UBN2: variants seen among roughly 807,000 people sequenced by gnomAD.
UBN2 encodes the protein ubinuclein 2, also known as ubinuclein-2.
A neutral mutation model predicts 120.2 loss-of-function variants in UBN2; 35 were observed. That is an observed-to-expected ratio of 0.29 (90% CI 0.22 to 0.39). UBN2 has a LOEUF of 0.39. UBN2 is among the 10% of genes least tolerant of loss of function. The pLI is 1.00. For synonymous variants in UBN2, 661 were observed against 648.7 expected, an observed-to-expected ratio of 1.02 and a Z score of -0.29; for missense variants, 1,693 against 1,663.2, an observed-to-expected ratio of 1.02 and a Z score of -0.31.
intron 15 of UBN2, among the ~76,000 whole-genome samples, chr7:139,288,360 G>A (rs1243668333): frequency 6.6e-6 from 1 of 152,196 alleles, no homozygotes; most frequent in Admixed American, 6.5e-5. Context: ...AATTGAATGA[G>A]CAGAAGCCAG....
chr7:139,262,976 TGTTA>T (rs1471193465), intron 6 of UBN2, among the ~76,000 whole-genome samples: 1 of 152,182 alleles, frequency 6.6e-6, no homozygotes, highest in African/African-American at 2.4e-5. Flanking sequence ...CAATCCTGTG[TGTTA>T]GTTCCTTATT....
the UBN2 span, among the ~76,000 whole-genome samples, chr7:139,319,713 T>G: frequency 2.6e-5 from 4 of 152,212 alleles, no homozygotes; most frequent in South Asian, 8.3e-4. Flanking sequence ...CTCCAGTTAT[T>G]CTGGTCTCCT....
intron 2 of UBN2, among the ~76,000 whole-genome samples, chr7:139,240,063 G>A (rs1796274783): frequency 6.6e-6 from 1 of 152,152 alleles, no homozygotes; most frequent in African/African-American, 2.4e-5. Context: ...TTTGATGCGT[G>A]AAATTGAGTT....
intron 3 of UBN2, among the ~76,000 whole-genome samples, chr7:139,253,064 T>G (rs1796663020): frequency 1.3e-5 from 2 of 152,202 alleles, no homozygotes; most frequent in South Asian, 2.1e-4. Flanking sequence ...AAAATCTTCT[T>G]GTGTAGTTGT....
In UBN2 at chr7:139,305,825, C is replaced by T. The variant is rs935283274; in HGVS notation, c.*7989C>T. 1.3e-5 allele frequency: 2 copies of T among 152,050 alleles called. No individual in the cohort carries two copies. Among genetic ancestry groups the T allele is most frequent in the African/African-American group, 2.4e-5 (1 of 41,398 alleles). 9.4% of individuals were successfully genotyped at this position (152,050 alleles called of 1,614,324 possible). A position where few individuals can be genotyped will look rare whatever the true frequency, so the allele number is the denominator to read the frequency against. On this transcript the variant is annotated 3_prime_UTR_variant, in exon 18 of 18. Transcript: ENST00000473989. ...ATAATGCGGCATTTCATGACTTCCT[C>T]TTGTTACTTTTCAAGGTTATTCTAA...
In UBN2 at chr7:139,231,811, G is replaced by A. The variant is rs1796021992; in HGVS notation, c.327G>A (p.Pro109=). Residue 109 remains proline, a synonymous_variant, in exon 1 of 18, where the codon CCG becomes CCA. Coordinates refer to ENST00000473989, the MANE Select transcript of UBN2 (RefSeq NM_173569.4). ...FPPLPLQPPP[P]RESASRAEQP... Reference sequence around the variant, plus strand: ...CGCTGCCCTTGCAGCCGCCCCCGCCGCGGGAGTCGGCTTCCCGGGCTGAGC... The same window carrying A: ...CGCTGCCCTTGCAGCCGCCCCCGCCACGGGAGTCGGCTTCCCGGGCTGAGC... 2.1e-6 allele frequency: 3 copies of A among 1,448,480 alleles called. No homozygotes were observed. The highest frequency in any genetic ancestry group is 1.5e-5 in the African/African-American group (1 of 68,396). 89.7% of individuals were successfully genotyped at this position (1,448,480 alleles called of 1,614,324 possible).
intron 2 of UBN2, among the ~76,000 whole-genome samples, chr7:139,250,981 A>G (rs1196767458): frequency 1.3e-5 from 2 of 151,850 alleles, no homozygotes; most frequent in African/African-American, 4.8e-5. Flanking sequence ...TGAGGCATGC[A>G]CCTGTAGTCC....
intron 2 of UBN2, among the ~76,000 whole-genome samples, chr7:139,250,529 C>T (rs923822947): frequency 6.6e-6 from 1 of 150,812 alleles, no homozygotes; most frequent in African/African-American, 2.5e-5. Context: ...GCACTGCGTC[C>T]GGCCCAGACC....
At chr7:139,259,811 C>T (rs1041743185) in intron 5 of UBN2, among the ~76,000 whole-genome samples, 1 of 152,146 alleles carries the variant, frequency 6.6e-6, no homozygotes, top group Non-Finnish European at 1.5e-5. Context: ...TGCAGTCCCA[C>T]AATCTAGGCT....
intron 17 of UBN2, among the ~76,000 whole-genome samples, chr7:139,294,394 G>A (rs1798050848): frequency 6.6e-6 from 1 of 152,210 alleles, no homozygotes; most frequent in Non-Finnish European, 1.5e-5. Context: ...TACCAATCAC[G>A]AAACTGAATC....
Position 139,283,625 on chromosome 7 carries a change from C to T in UBN2, c.2720C>T (p.Ala907Val). The T allele has an allele frequency of 6.2e-7, 1 of 1,614,182 alleles. No individual in the cohort carries two copies. Among genetic ancestry groups the T allele is most frequent in the African/African-American group, 1.3e-5 (1 of 75,044 alleles). The change falls in exon 15 of 18, where the codon GCC (alanine) becomes GTC (valine). Residue 907 changes from alanine (A) to valine (V), a missense_variant. Physicochemically the swap from Ala to Val is moderately conservative, Grantham distance 64 (BLOSUM62 0). Coordinates refer to ENST00000473989, the MANE Select transcript of UBN2 (RefSeq NM_173569.4). The part of the protein sequence containing the change: ...VSSSSQAQIA[A>V]SSHALGTSEA... ...TCTTCTTCCCAAGCCCAAATTGCTG[C>T]CTCTTCTCATGCTCTGGGAACATCC...
chr7:139,231,496 G>A lies in UBN2; in HGVS notation c.12G>A (p.Pro4=), dbSNP rs1286250318. 38 of 1,396,368 alleles carry A rather than the reference G, an allele frequency of 2.7e-5. No individual in the cohort carries two copies. The highest frequency in any genetic ancestry group is 3.5e-5 in the Non-Finnish European group (37 of 1,067,154). The allele number at this position is 1,396,368 out of a possible 1,614,324, so 86.5% of individuals were successfully genotyped here. A position where few individuals can be genotyped will look rare whatever the true frequency, so the allele number is the denominator to read the frequency against. Residue 4 remains proline, a synonymous_variant, in exon 1 of 18, where the codon CCG becomes CCA. Coordinates refer to ENST00000473989, the MANE Select transcript of UBN2 (RefSeq NM_173569.4). ...CCAGAACAGTGGGGATGGCGGAGCCGCGCAGAGTAGCGTTCATTAGCTTGT... is the reference window on the plus strand; with the variant it reads ...CCAGAACAGTGGGGATGGCGGAGCCACGCAGAGTAGCGTTCATTAGCTTGT... MAE[P]RRVAFISLSP...
At chr7:139,232,516 G>A (rs1796054745) in intron 1 of UBN2, among the ~76,000 whole-genome samples, 1 of 152,182 alleles carries the variant, frequency 6.6e-6, no homozygotes, top group African/African-American at 2.4e-5. Context: ...AATAATTAAA[G>A]GTTTTCAGAG....
At chr7:139,313,989 C>G in the UBN2 span, among the ~76,000 whole-genome samples, 3 of 151,804 alleles carry the variant, frequency 2.0e-5, no homozygotes, top group East Asian at 2.0e-4. Context: ...GCTGGGATTA[C>G]AGGCGTGTGC....
Position 139,308,005 on chromosome 7 carries a change from T to A in UBN2, c.*10169T>A, listed in dbSNP as rs1798392958. ...TAAATTACCCCCATGAATATACTCCTTCAGTGCAGGGATTTTTGTGTTTTT... is the reference window on the plus strand; with the variant it reads ...TAAATTACCCCCATGAATATACTCCATCAGTGCAGGGATTTTTGTGTTTTT... On this transcript the variant is annotated 3_prime_UTR_variant, in exon 18 of 18. Transcript: ENST00000473989. The A allele has an allele frequency of 6.6e-6, 1 of 151,380 alleles. No individual in the cohort carries two copies. Among genetic ancestry groups the A allele is most frequent in the Non-Finnish European group, 1.5e-5 (1 of 67,944 alleles). The allele number at this position is 151,380 out of a possible 1,614,324, so 9.4% of individuals were successfully genotyped here. A position where few individuals can be genotyped will look rare whatever the true frequency, so the allele number is the denominator to read the frequency against.
chr7:139,274,134 TATAC>T, intron 11 of UBN2, 60 bp downstream of exon 11: 3 of 1,479,170 alleles, frequency 2.0e-6, no homozygotes, highest in Non-Finnish European at 1.8e-6. Context: ...TTATTAAAGA[TATAC>T]ATACACATAC....
intron 17 of UBN2, among the ~76,000 whole-genome samples, chr7:139,296,143 T>C (rs1419569754): frequency 6.6e-6 from 1 of 152,234 alleles, no homozygotes; most frequent in Non-Finnish European, 1.5e-5. Flanking sequence ...GCTTCTAGCT[T>C]GGCACCTGGT....
intron 8 of UBN2, among the ~76,000 whole-genome samples, chr7:139,271,703 G>T (rs1002050898): frequency 1.3e-5 from 2 of 152,208 alleles, no homozygotes; most frequent in Non-Finnish European, 1.5e-5. Flanking sequence ...CTTGTAAGAT[G>T]AAAGTAATAA....
In UBN2 at chr7:139,261,546, A is replaced by G; in HGVS notation, c.1200A>G (p.Leu400=). ...TGTTTCAGGAAGCTGAAAATGCCCTAGAGATGCTAGATGATTTTGACTTCG... is the reference window on the plus strand; with the variant it reads ...TGTTTCAGGAAGCTGAAAATGCCCTGGAGATGCTAGATGATTTTGACTTCG... The part of the protein sequence containing the change: ...HELFQEAENA[L]EMLDDFDFDR... Residue 400 remains leucine, a synonymous_variant, in exon 6 of 18, where the codon CTA becomes CTG. Coordinates refer to ENST00000473989, the MANE Select transcript of UBN2 (RefSeq NM_173569.4). 2.5e-6 allele frequency: 4 copies of G among 1,610,226 alleles called. No individual in the cohort carries two copies. Among genetic ancestry groups the G allele is most frequent in the Non-Finnish European group, 3.4e-6 (4 of 1,176,520 alleles).
Sources: gnomAD v4.1 joint callset for allele counts (sites outside exome capture counted in the v4.1 genomes callset) on GRCh38, gnomAD v4.1.1 for gene constraint, MANE v1.5 for transcripts, NCBI Gene and HGNC (gene_info 2026-07-23, HGNC 2026-07-21) for gene names.